The following PIWIL4 variants were observed in gnomAD, a reference collection of about 807,000 sequenced individuals.
PIWIL4 encodes the protein piwi-like protein 4.
Under a neutral mutation model 100.9 loss-of-function variants are expected in PIWIL4, and 50 were observed. The observed-to-expected ratio is 0.50, with a 90% confidence interval of 0.39 to 0.63. The LOEUF (loss-of-function observed/expected upper bound fraction) is 0.63. PIWIL4 is among the 20% of genes least tolerant of loss of function. PIWIL4 has a pLI of 0.00. For missense variants in PIWIL4, 887 were observed against 1,043.3 expected, an observed-to-expected ratio of 0.85 and a Z score of 2.06; for synonymous variants, 342 against 367.5, an observed-to-expected ratio of 0.93 and a Z score of 0.79.
At chr11:94,604,822 A>G (rs996813761) in intron 13 of PIWIL4, among the ~76,000 whole-genome samples, 1 of 152,198 alleles carries the variant, frequency 6.6e-6, no homozygotes, top group African/African-American at 2.4e-5. Flanking sequence ...CATGCAAACT[A>G]ACTGAACTAG....
chr11:94,577,257 T>G, intron 3 of PIWIL4, 21 bp from the exon 4 acceptor site: 1 of 1,576,104 alleles, frequency 6.3e-7, no homozygotes, highest in South Asian at 1.1e-5. Flanking sequence ...TAAAAAATTG[T>G]TTTTTGTTTG....
At chr11:94,580,350 CAT>C (rs1180388239) in intron 4 of PIWIL4, among the ~76,000 whole-genome samples, 1 of 152,176 alleles carries the variant, frequency 6.6e-6, no homozygotes, top group Non-Finnish European at 1.5e-5. Flanking sequence ...ATCCCCTACA[CAT>C]GTCCTAGGAT....
At chr11:94,599,564 C>T (rs1302717828) in intron 11 of PIWIL4, among the ~76,000 whole-genome samples, 3 of 152,202 alleles carry the variant, frequency 2.0e-5, no homozygotes, top group Non-Finnish European at 2.9e-5. Context: ...CAGGAATGAA[C>T]GTTGACTCCA....
intron 5 of PIWIL4, among the ~76,000 whole-genome samples, 199 bp from the exon 6 acceptor site, chr11:94,585,246 G>A (rs1948382174): frequency 6.6e-6 from 1 of 152,134 alleles, no homozygotes; most frequent in South Asian, 2.1e-4. Context: ...TTCAGTTGTA[G>A]TATTCTCAAA....
At position 94,619,798 on chromosome 11, in the gene PIWIL4, T is replaced by C. The variant is rs773583144; in HGVS notation, c.2207T>C (p.Met736Thr). 1 of 1,614,190 alleles carries C rather than the reference T, an allele frequency of 6.2e-7. No individual in the cohort carries two copies. The highest frequency in any genetic ancestry group is 8.5e-7 in the Non-Finnish European group (1 of 1,180,016). The change falls in exon 18 of 20, where the codon ATG becomes ACG. Residue 736 changes from methionine to threonine, a missense_variant. Coordinates refer to ENST00000299001, the MANE Select transcript of PIWIL4 (RefSeq NM_152431.3). ...GTGATTGTGGTCAGGAAGAAGTGCATGCCACGATTCTTTACCGAAATGAAC... is the reference window on the plus strand; with the variant it reads ...GTGATTGTGGTCAGGAAGAAGTGCACGCCACGATTCTTTACCGAAATGAAC... ...LSVIVVRKKC[M>T]PRFFTEMNRT...
intron 11 of PIWIL4, among the ~76,000 whole-genome samples, chr11:94,598,705 C>CT (rs769342028): frequency 0.21 from 23,217 of 110,034 alleles, 2,759 homozygotes; most frequent in East Asian, 0.27. Flanking sequence ...TTTTTTCCAT[C>CT]TTTTTTTTTT....
chr11:94,599,585 T>C (rs1040388414), intron 11 of PIWIL4, among the ~76,000 whole-genome samples: 2 of 152,150 alleles, frequency 1.3e-5, no homozygotes, highest in Non-Finnish European at 2.9e-5. Flanking sequence ...GAGGGAGCCA[T>C]TGATGGAAAG....
Position 94,621,111 on chromosome 11 carries a change from G to T in PIWIL4, c.*119G>T. On this transcript the variant is annotated 3_prime_UTR_variant, in exon 20 of 20. Coordinates refer to ENST00000299001, the MANE Select transcript of PIWIL4 (RefSeq NM_152431.3). ...GAAAAAGATTGAGCTTAGTTTTCAT[G>T]TCTAGGAAAAAAAGCAAAACAACTT... 3.0e-6 allele frequency: 2 copies of T among 658,030 alleles called. No homozygotes were observed. The highest frequency in any genetic ancestry group is 2.5e-6 in the Non-Finnish European group (1 of 394,518). 40.8% of individuals were successfully genotyped at this position (658,030 alleles called of 1,614,324 possible). A position where few individuals can be genotyped will look rare whatever the true frequency, so the allele number is the denominator to read the frequency against.
At chr11:94,617,418 T>C (rs1948859115) in intron 16 of PIWIL4, among the ~76,000 whole-genome samples, 1 of 152,172 alleles carries the variant, frequency 6.6e-6, no homozygotes, top group South Asian at 2.1e-4. Flanking sequence ...CCCTGTTCTT[T>C]AGGAAATTCA....
intron 13 of PIWIL4, among the ~76,000 whole-genome samples, chr11:94,606,957 G>T (rs561098808): frequency 1.1e-4 from 17 of 151,214 alleles, no homozygotes; most frequent in Admixed American, 2.0e-4. Flanking sequence ...TGGTTATCTT[G>T]TACCTAATGG....
chr11:94,591,728 GA>G (rs1948488876), intron 8 of PIWIL4, among the ~76,000 whole-genome samples: 1 of 152,144 alleles, frequency 6.6e-6, no homozygotes, highest in African/African-American at 2.4e-5. Context: ...GGGAGGAAAA[GA>G]AAGAAAACTG....
chr11:94,607,616 G>A lies in PIWIL4; in HGVS notation c.1816G>A (p.Glu606Lys), dbSNP rs752535456. 10 of 1,613,888 alleles carry A rather than the reference G, an allele frequency of 6.2e-6. No individual in the cohort carries two copies. Among genetic ancestry groups the A allele is most frequent in the Admixed American group, 5.0e-5 (3 of 59,994 alleles). ...GCAGATGACTTGCAAGCTCGGAGGCGAGCTGTGGGCTGTGGAAATACCTGT... is the reference window on the plus strand; with the variant it reads ...GCAGATGACTTGCAAGCTCGGAGGCAAGCTGTGGGCTGTGGAAATACCTGT... ...AMQMTCKLGG[E>K]LWAVEIPLKS... The change falls in exon 14 of 20, where the codon GAG (glutamate) becomes AAG (lysine). Residue 606 changes from glutamate to lysine, a missense_variant. Glu to Lys is a moderately conservative substitution (Grantham distance 56). Around this residue, in one of 2 missense-constraint regions of PIWIL4, gnomAD observed 741 missense variants for 930.0 expected, o/e 0.80. Coordinates refer to ENST00000299001, the MANE Select transcript of PIWIL4 (RefSeq NM_152431.3).
At chr11:94,594,302 A>G (rs1156272921) in intron 9 of PIWIL4, among the ~76,000 whole-genome samples, 1 of 151,834 alleles carries the variant, frequency 6.6e-6, no homozygotes, top group Admixed American at 6.6e-5. Context: ...CCCCATCTCT[A>G]TTAAAAATAA....
At position 94,620,163 on chromosome 11, in the gene PIWIL4, C is replaced by T. The variant is rs1306852782; in HGVS notation, c.2442+19C>T. 1.9e-6 allele frequency: 3 copies of T among 1,560,112 alleles called. No individual in the cohort carries two copies. Among genetic ancestry groups the T allele is most frequent in the Non-Finnish European group, 2.6e-6 (3 of 1,155,376 alleles). Reference sequence around the variant, plus strand: ...CTGGCCGGTGAGTGAAAGCTGTTTACTTAATGTAAATATGATACTCAAGAG... The same window carrying T: ...CTGGCCGGTGAGTGAAAGCTGTTTATTTAATGTAAATATGATACTCAAGAG... On this transcript the variant is annotated intron_variant, in intron 19 of 19. Transcript: ENST00000299001.
intron 2 of PIWIL4, among the ~76,000 whole-genome samples, chr11:94,569,536 G>A (rs1474096202): frequency 1.3e-5 from 2 of 152,060 alleles, no homozygotes; most frequent in Non-Finnish European, 2.9e-5. Flanking sequence ...GTGCCACCAC[G>A]CCCAGCTAAT....
At chr11:94,577,173 A>T in intron 3 of PIWIL4, 105 bp from the exon 4 acceptor site, 2 of 927,346 alleles carry the variant, frequency 2.2e-6, no homozygotes, top group Non-Finnish European at 3.2e-6. Flanking sequence ...TCCTTGCTTT[A>T]AAGCAACTAC....
At chr11:94,609,912 C>G (rs1948768817) in intron 15 of PIWIL4, among the ~76,000 whole-genome samples, 1 of 151,996 alleles carries the variant, frequency 6.6e-6, no homozygotes, top group African/African-American at 2.4e-5. Context: ...GATCTACTCT[C>G]TTAGCAAATT....
chr11:94,602,701 A>G (rs928042851), intron 12 of PIWIL4, among the ~76,000 whole-genome samples: 1 of 152,260 alleles, frequency 6.6e-6, no homozygotes, highest in African/African-American at 2.4e-5. Context: ...AAAGAGGAAC[A>G]GATACTTTTC....
intron 9 of PIWIL4, among the ~76,000 whole-genome samples, chr11:94,594,474 A>G (rs888224884): frequency 1.3e-5 from 2 of 151,892 alleles, no homozygotes; most frequent in African/African-American, 4.8e-5. Flanking sequence ...TCCAAAAAAA[A>G]AGGAAAAGAA....
Sources: gnomAD v4.1 joint callset for allele counts (sites outside exome capture counted in the v4.1 genomes callset) on GRCh38, gnomAD v4.1.1 for gene constraint, gnomAD v4.1.1 regional missense constraint, MANE v1.5 for transcripts, NCBI Gene and HGNC (gene_info 2026-07-23, HGNC 2026-07-21) for gene names.